The following SOX5 variants were observed in gnomAD, a reference collection of about 807,000 sequenced individuals.
SOX5 encodes the protein SRY-box transcription factor 5, also known as transcription factor SOX-5.
In SOX5, 9 loss-of-function variants were observed where a neutral mutation model predicts 92.0. The observed-to-expected ratio is 0.10, with a 90% CI of 0.06 to 0.17. The LOEUF is 0.17. Ranked by LOEUF, SOX5 falls within the 10% of genes least tolerant of loss-of-function variation. The pLI is 1.00. For missense variants in SOX5, 642 were observed against 944.5 expected (o/e 0.68, Z 4.20); for synonymous variants, 344 against 336.3 (o/e 1.02, Z -0.25).
chr12:23,627,616 C>T (rs2078002975), intron 8 of SOX5, among the ~76,000 whole-genome samples: 1 of 152,010 alleles, frequency 6.6e-6, no homozygotes, highest in Admixed American at 6.6e-5. Context: ...CTCACAACAC[C>T]TTTATCATGT....
rs1051352546 is a variant in SOX5, at chr12:23,533,061, T to TAATC, written c.*1154_*1157dup. 1 of 406,718 alleles carries TAATC rather than the reference T, an allele frequency of 2.5e-6. No individual in the cohort carries two copies. The highest frequency in any genetic ancestry group is 2.0e-5 in the African/African-American group (1 of 48,858). 25.2% of individuals were successfully genotyped at this position (406,718 alleles called of 1,614,324 possible). ...CAGGGCCACCTGATCCATCCAATAA[T>TAATC]AATCAGACATTTAAAAATATAATTT... On this transcript the variant is annotated 3_prime_UTR_variant, in exon 15 of 15. Coordinates refer to ENST00000451604, the MANE Select transcript of SOX5 (RefSeq NM_006940.6).
rs148760616 is a variant in SOX5 at position 24,538,849 on chromosome 12, C to A, written c.-251+23480G>T. Among the ~76,000 whole-genome samples, 552 of 152,192 alleles carry A rather than the reference C, an allele frequency of 3.6e-3. 2 individuals are homozygous for A. Among genetic ancestry groups the A allele is most frequent in the African/African-American group, 0.013 (530 of 41,524 alleles). On this transcript the variant is annotated intron_variant, in intron 1 of 4. Coordinates refer to the SOX5 transcript ENST00000446891. ...TAAAATATGGTCTTTCTAAATCTAT[C>A]TTTATCAATGGGGAAAAAACACGCT...
intron 6 of SOX5, among the ~76,000 whole-genome samples, chr12:23,694,261 C>T (rs548000313): frequency 6.9e-4 from 105 of 152,264 alleles, no homozygotes; most frequent in Middle Eastern, 3.4e-3. Context: ...TAATACTTTG[C>T]TTCACATATC....
chr12:23,978,698 C>T (rs1949187341), intron 4 of SOX5, among the ~76,000 whole-genome samples: 1 of 152,026 alleles, frequency 6.6e-6, no homozygotes. Flanking sequence ...TTCTGTGTTC[C>T]ATATCTAGCT....
chr12:24,224,463 A>C (rs1014247293), intron 3 of SOX5, among the ~76,000 whole-genome samples: 1 of 151,902 alleles, frequency 6.6e-6, no homozygotes. Flanking sequence ...TATATTTTTT[A>C]AAAGTTCAAA....
At chr12:24,305,157 G>C (rs552539461) in intron 2 of SOX5, among the ~76,000 whole-genome samples, 2 of 152,218 alleles carry the variant, frequency 1.3e-5, no homozygotes, top group African/African-American at 4.8e-5. Context: ...GCTATTATAG[G>C]ATAATTATGT....
At chr12:24,374,499 CCACACACACACACACATACA>C (rs1487597348) in intron 1 of SOX5, among the ~76,000 whole-genome samples, 1 of 145,458 alleles carries the variant, frequency 6.9e-6, no homozygotes, top group Non-Finnish European at 1.5e-5. Context: ...CTCCAGACCA[CCACACACACACACACATACA>C]CACACACACA....
chr12:24,411,440 G>A (rs1282038742), intron 1 of SOX5, among the ~76,000 whole-genome samples: 1 of 152,126 alleles, frequency 6.6e-6, no homozygotes, highest in Admixed American at 6.5e-5. Context: ...AATGTTAGCT[G>A]TAGATGTTTT....
chr12:24,055,511 T>A (rs933663117), intron 4 of SOX5, among the ~76,000 whole-genome samples: 1 of 152,242 alleles, frequency 6.6e-6, no homozygotes, highest in Admixed American at 6.5e-5. Flanking sequence ...CTGAGTGGTA[T>A]AGACCCTCTT....
chr12:23,816,106 A>G (rs936511471), intron 3 of SOX5, among the ~76,000 whole-genome samples: 1 of 152,160 alleles, frequency 6.6e-6, no homozygotes, highest in Non-Finnish European at 1.5e-5. Flanking sequence ...CATAGAACAT[A>G]CAATACTACG....
At chr12:23,681,921 G>A (rs1256894133) in intron 6 of SOX5, among the ~76,000 whole-genome samples, 1 of 151,484 alleles carries the variant, frequency 6.6e-6, no homozygotes, top group African/African-American at 2.4e-5. Flanking sequence ...CAGTAAAATA[G>A]CCTCACAATT....
chr12:23,705,653 A>T (rs910457773), intron 6 of SOX5, among the ~76,000 whole-genome samples: 2 of 152,054 alleles, frequency 1.3e-5, no homozygotes, highest in African/African-American at 4.8e-5. Flanking sequence ...CTTGGGTGGT[A>T]CCCTTTACAA....
chr12:24,327,862 A>T (rs928425610), intron 2 of SOX5, among the ~76,000 whole-genome samples: 1 of 146,926 alleles, frequency 6.8e-6, no homozygotes, highest in African/African-American at 2.5e-5. Flanking sequence ...ATAATTTCGT[A>T]TTTTTTTTTT....
intron 4 of SOX5, among the ~76,000 whole-genome samples, chr12:24,169,519 G>A (rs188717691): frequency 3.2e-4 from 48 of 152,208 alleles, no homozygotes; most frequent in Admixed American, 9.8e-4. Flanking sequence ...TGTTTTACTC[G>A]GCCATGATCT....
At chr12:24,183,631 G>T (rs1955728929) in intron 4 of SOX5, among the ~76,000 whole-genome samples, 1 of 151,984 alleles carries the variant, frequency 6.6e-6, no homozygotes. Flanking sequence ...TATATGGAAG[G>T]TTAGAAAAAA....
intron 4 of SOX5, among the ~76,000 whole-genome samples, chr12:24,028,984 T>A (rs1955190821): frequency 6.6e-6 from 1 of 152,034 alleles, no homozygotes; most frequent in Non-Finnish European, 1.5e-5. Context: ...CAAAACCAAT[T>A]ACATTTCAAA....
At chr12:24,174,515 G>A (rs1279073200) in intron 4 of SOX5, among the ~76,000 whole-genome samples, 1 of 152,122 alleles carries the variant, frequency 6.6e-6, no homozygotes, top group Non-Finnish European at 1.5e-5. Flanking sequence ...AATGAGTGGG[G>A]GGGGGAACCC....
intron 3 of SOX5, among the ~76,000 whole-genome samples, chr12:23,779,469 C>A (rs759266703): frequency 6.6e-6 from 1 of 150,804 alleles, no homozygotes; most frequent in Non-Finnish European, 1.5e-5. Flanking sequence ...AATGTTAATA[C>A]ACATATTCAA....
intron 1 of SOX5, among the ~76,000 whole-genome samples, chr12:24,397,334 A>G (rs1960301084): frequency 6.6e-6 from 1 of 152,252 alleles, no homozygotes; most frequent in East Asian, 1.9e-4. Context: ...CGACCATCAG[A>G]AAATGCTTTA....
Sources: gnomAD v4.1 joint callset for allele counts (sites outside exome capture counted in the v4.1 genomes callset) on GRCh38, gnomAD v4.1.1 for gene constraint, MANE v1.5 for transcripts, NCBI Gene and HGNC (gene_info 2026-07-23, HGNC 2026-07-21) for gene names.